Variants in ARSB observed in about 807,000 individuals in gnomAD.
The protein encoded by ARSB is arylsulfatase B, also known as N-acetylgalactosamine-4-sulfatase.
In ARSB, 41 loss-of-function variants were observed where a neutral mutation model predicts 50.9. The ratio of observed to expected loss-of-function variants is 0.81; its 90% CI spans 0.63 to 1.04. The LOEUF is 1.04. ARSB is among the 50% of genes least tolerant of loss of function. The pLI is 0.00. For missense variants in ARSB, 672 were observed against 693.3 expected, an observed-to-expected ratio of 0.97 and a Z score of 0.35; for synonymous variants, 269 against 284.8, an observed-to-expected ratio of 0.94 and a Z score of 0.56.
intron 6 of ARSB, among the ~76,000 whole-genome samples, chr5:78,803,039 T>G (rs1743451743): frequency 1.3e-5 from 2 of 152,212 alleles, no homozygotes; most frequent in African/African-American, 4.8e-5. Flanking sequence ...TTTGAAAACA[T>G]GAGGAAGGGA....
intron 5 of ARSB, among the ~76,000 whole-genome samples, chr5:78,841,996 C>T (rs1229066509): frequency 6.6e-6 from 1 of 152,122 alleles, no homozygotes; most frequent in Non-Finnish European, 1.5e-5. Context: ...AATGACCAAA[C>T]ACCATTAGGG....
intron 5 of ARSB, among the ~76,000 whole-genome samples, chr5:78,882,421 A>T (rs1437420520): frequency 6.6e-6 from 1 of 152,208 alleles, no homozygotes; most frequent in Admixed American, 6.5e-5. Flanking sequence ...TCAAGCCCCA[A>T]CATTGGTCAC....
intron 5 of ARSB, among the ~76,000 whole-genome samples, chr5:78,880,131 G>T (rs186473257): frequency 6.6e-6 from 1 of 152,168 alleles, no homozygotes; most frequent in Admixed American, 6.5e-5. Flanking sequence ...CTAGGAGAAC[G>T]TGCTAACACC....
intron 4 of ARSB, among the ~76,000 whole-genome samples, chr5:78,923,740 T>C (rs1477425738): frequency 6.6e-6 from 1 of 152,200 alleles, no homozygotes; most frequent in Non-Finnish European, 1.5e-5. Flanking sequence ...AGTCATTAGC[T>C]CCTGCTTGCC....
intron 6 of ARSB, among the ~76,000 whole-genome samples, chr5:78,812,496 A>C (rs2112660671): frequency 6.6e-6 from 1 of 152,262 alleles, no homozygotes; most frequent in East Asian, 1.9e-4. Flanking sequence ...AATCAAATCA[A>C]TTTGGTAAAG....
chr5:78,850,917 A>G (rs1262441470), intron 5 of ARSB, among the ~76,000 whole-genome samples: 1 of 151,940 alleles, frequency 6.6e-6, no homozygotes, highest in Non-Finnish European at 1.5e-5. Context: ...CCCCTTTATC[A>G]TTTTTTATTG....
At chr5:78,900,092 A>G (rs1232393598) in intron 4 of ARSB, among the ~76,000 whole-genome samples, 1 of 152,166 alleles carries the variant, frequency 6.6e-6, no homozygotes, top group African/African-American at 2.4e-5. Context: ...GGAGTCACCA[A>G]AGGGATTATC....
At chr5:78,858,912 TATTTGTTAC>T (rs1746288122) in intron 5 of ARSB, among the ~76,000 whole-genome samples, 2 of 152,202 alleles carry the variant, frequency 1.3e-5, no homozygotes, top group South Asian at 4.1e-4. Context: ...GATAGGTTGT[TATTTGTTAC>T]ATTTGTTACA....
At chr5:78,906,896 A>G (rs1749091572) in intron 4 of ARSB, among the ~76,000 whole-genome samples, 1 of 152,180 alleles carries the variant, frequency 6.6e-6, no homozygotes, top group African/African-American at 2.4e-5. Context: ...TTGATACAGG[A>G]GCATACTTCA....
At chr5:78,974,749 A>T (rs531158123) in intron 1 of ARSB, among the ~76,000 whole-genome samples, 14 of 152,324 alleles carry the variant, frequency 9.2e-5, no homozygotes, top group African/African-American at 3.4e-4. Context: ...AAATAGCTGC[A>T]ATGTTTGCAG....
intron 6 of ARSB, among the ~76,000 whole-genome samples, chr5:78,791,843 T>G (rs1327788299): frequency 6.6e-6 from 1 of 152,230 alleles, no homozygotes; most frequent in African/African-American, 2.4e-5. Context: ...CTTTGCTTAA[T>G]TTTTGAAGAT....
At chr5:78,927,032 C>T (rs1029621177) in intron 4 of ARSB, among the ~76,000 whole-genome samples, 6 of 152,130 alleles carry the variant, frequency 3.9e-5, no homozygotes, top group African/African-American at 1.4e-4. Context: ...CAGGCATGTG[C>T]CATCACACCC....
At chr5:78,873,528 C>T (rs535878219) in intron 5 of ARSB, among the ~76,000 whole-genome samples, 40 of 69,350 alleles carry the variant, frequency 5.8e-4, no homozygotes, top group Non-Finnish European at 1.0e-3. Context: ...CGGAGTCTCG[C>T]TCTGTCGCCC....
intron 5 of ARSB, among the ~76,000 whole-genome samples, chr5:78,872,816 TA>T (rs56211605): frequency 1.6e-3 from 199 of 128,048 alleles, no homozygotes; most frequent in Middle Eastern, 4.2e-3. Context: ...AAAGTATAAT[TA>T]AAAAAAAAAA....
intron 6 of ARSB, among the ~76,000 whole-genome samples, chr5:78,803,682 G>A (rs1743471858): frequency 6.6e-6 from 1 of 152,258 alleles, no homozygotes; most frequent in South Asian, 2.1e-4. Flanking sequence ...TGCTCAGGCT[G>A]CTTTCCTAGT....
At chr5:78,969,251 GA>G in intron 1 of ARSB, 59 bp from the exon 2 acceptor site, 1 of 1,579,218 alleles carries the variant, frequency 6.3e-7, no homozygotes, top group Non-Finnish European at 8.7e-7. Flanking sequence ...TGAACAAGCA[GA>G]TAAAATGGCC....
chr5:78,808,176 C>T (rs75275717), intron 6 of ARSB, among the ~76,000 whole-genome samples: 22 of 144,756 alleles, frequency 1.5e-4, no homozygotes, highest in African/African-American at 5.1e-4. Context: ...TCATAATAAA[C>T]ACCATGTACC....
chr5:78,878,300 A>G (rs919265009), intron 5 of ARSB, among the ~76,000 whole-genome samples: 2 of 152,210 alleles, frequency 1.3e-5, no homozygotes, highest in Non-Finnish European at 2.9e-5. Flanking sequence ...AAAATTTTAT[A>G]AAGACAATAT....
intron 4 of ARSB, among the ~76,000 whole-genome samples, chr5:78,942,020 T>A (rs1750956461): frequency 6.6e-6 from 1 of 152,318 alleles, no homozygotes; most frequent in Middle Eastern, 3.4e-3. Flanking sequence ...GGAGGGTGTA[T>A]GTATCCAGTA....
Sources: gnomAD v4.1 joint callset for allele counts (sites outside exome capture counted in the v4.1 genomes callset) on GRCh38, gnomAD v4.1.1 for gene constraint, MANE v1.5 for transcripts, NCBI Gene and HGNC (gene_info 2026-07-23, HGNC 2026-07-21) for gene names.